The following CSMD1 variants were observed in gnomAD, a reference collection of about 807,000 sequenced individuals.
The protein encoded by CSMD1 is CUB and sushi domain-containing protein 1.
A neutral mutation model predicts 417.5 loss-of-function variants in CSMD1; 213 were observed. The ratio of observed to expected loss-of-function variants is 0.51; its 90% confidence interval spans 0.46 to 0.57. The LOEUF is 0.57. Ranked by LOEUF, CSMD1 falls within the 20% of genes least tolerant of loss-of-function variation. The pLI, the probability that CSMD1 is intolerant of heterozygous loss-of-function variation, is 0.00. For missense variants in CSMD1, 6,923 were observed against 4,529.7 expected (o/e 1.53, Z -15.17); for synonymous variants, 2,862 against 1,736.8 (o/e 1.65, Z -16.11).
intron 3 of CSMD1, among the ~76,000 whole-genome samples, chr8:4,312,142 T>A (rs1054331683): frequency 1.3e-5 from 2 of 151,968 alleles, no homozygotes; most frequent in Non-Finnish European, 2.9e-5. Flanking sequence ...AAATATATTA[T>A]CTTTACACAC....
At chr8:4,269,130 C>T (rs539669517) in intron 3 of CSMD1, among the ~76,000 whole-genome samples, 1 of 152,280 alleles carries the variant, frequency 6.6e-6, no homozygotes, top group South Asian at 2.1e-4. Flanking sequence ...GATCTTGGCT[C>T]ACTGAAATCT....
At chr8:4,318,831 C>T (rs1323379550) in intron 3 of CSMD1, among the ~76,000 whole-genome samples, 1 of 152,016 alleles carries the variant, frequency 6.6e-6, no homozygotes, top group Non-Finnish European at 1.5e-5. Flanking sequence ...TAACATCCTC[C>T]CATAAATCAT....
intron 1 of CSMD1, among the ~76,000 whole-genome samples, chr8:4,841,108 C>T (rs1265534125): frequency 6.6e-6 from 1 of 152,164 alleles, no homozygotes; most frequent in Non-Finnish European, 1.5e-5. Flanking sequence ...TTGTCGACTG[C>T]AGAAACAATT....
chr8:3,272,209 T>A (rs1051989268), intron 26 of CSMD1, among the ~76,000 whole-genome samples: 2 of 147,292 alleles, frequency 1.4e-5, no homozygotes, highest in Admixed American at 6.8e-5. Flanking sequence ...ATTGCTTGTT[T>A]TACTCAGGTT....
intron 3 of CSMD1, among the ~76,000 whole-genome samples, chr8:4,208,530 T>G (rs559681570): frequency 1.3e-5 from 2 of 152,376 alleles, no homozygotes; most frequent in South Asian, 4.1e-4. Context: ...AAGAACAGAT[T>G]ATATTTTTAA....
intron 3 of CSMD1, among the ~76,000 whole-genome samples, chr8:4,337,349 T>C (rs935868239): frequency 6.6e-6 from 1 of 152,070 alleles, no homozygotes; most frequent in Non-Finnish European, 1.5e-5. Context: ...CCGACATTGT[T>C]GCAAACTTCC....
intron 1 of CSMD1, among the ~76,000 whole-genome samples, chr8:4,914,284 T>C (rs10112695): frequency 0.26 from 39,720 of 151,954 alleles, 5,752 homozygotes; most frequent in East Asian, 0.52. Flanking sequence ...ACTTTAAAAA[T>C]TGGAAGATAG....
At chr8:3,621,214 G>C (rs565883865) in intron 7 of CSMD1, among the ~76,000 whole-genome samples, 1 of 152,162 alleles carries the variant, frequency 6.6e-6, no homozygotes. Context: ...GGCGAGTAGC[G>C]TAGCACTTTT....
intron 14 of CSMD1, among the ~76,000 whole-genome samples, chr8:3,406,469 A>G (rs1812348805): frequency 6.6e-6 from 1 of 152,210 alleles, no homozygotes; most frequent in Non-Finnish European, 1.5e-5. Flanking sequence ...GGGTTTGAAA[A>G]GCACTTTTCA....
At chr8:4,255,969 G>C (rs929378470) in intron 3 of CSMD1, among the ~76,000 whole-genome samples, 1 of 152,098 alleles carries the variant, frequency 6.6e-6, no homozygotes, top group Non-Finnish European at 1.5e-5. Flanking sequence ...ATAAAGCTTT[G>C]GTGAAAATAC....
chr8:3,754,453 T>TTTATTTATTTAC (rs1563343464), intron 5 of CSMD1, among the ~76,000 whole-genome samples: 2 of 151,306 alleles, frequency 1.3e-5, no homozygotes, highest in Non-Finnish European at 2.9e-5. Flanking sequence ...TATTTATTTA[T>TTTATTTATTTAC]TTATTTATTT....
chr8:4,080,666 C>G (rs925278541), intron 3 of CSMD1, among the ~76,000 whole-genome samples: 1 of 152,124 alleles, frequency 6.6e-6, no homozygotes, highest in African/African-American at 2.4e-5. Context: ...ACAAAAGTAA[C>G]AGAATCACTG....
chr8:4,285,381 G>A (rs992241316), intron 3 of CSMD1, among the ~76,000 whole-genome samples: 7 of 152,124 alleles, frequency 4.6e-5, no homozygotes, highest in African/African-American at 1.4e-4. Context: ...ATTCTAGAGG[G>A]AAATGAATTT....
chr8:3,450,587 A>G (rs1319470423), intron 12 of CSMD1, among the ~76,000 whole-genome samples: 1 of 149,872 alleles, frequency 6.7e-6, no homozygotes, highest in Non-Finnish European at 1.5e-5. Context: ...TCTTTGTGAT[A>G]GTTTCCTGAG....
chr8:3,856,968 ATTTGGAAT>A (rs1337790591), intron 5 of CSMD1, among the ~76,000 whole-genome samples: 1 of 151,546 alleles, frequency 6.6e-6, no homozygotes, highest in Non-Finnish European at 1.5e-5. Context: ...ATCAAGTAGA[ATTTGGAAT>A]TTTTTTTATT....
At chr8:3,718,261 C>G (rs568777779) in intron 6 of CSMD1, among the ~76,000 whole-genome samples, 7 of 151,764 alleles carry the variant, frequency 4.6e-5, no homozygotes, top group East Asian at 3.9e-4. Context: ...ACTGCAGCTC[C>G]CATTGTCAGC....
intron 18 of CSMD1, among the ~76,000 whole-genome samples, chr8:3,379,580 C>G (rs1247743442): frequency 3.3e-5 from 5 of 152,122 alleles, no homozygotes; most frequent in African/African-American, 4.8e-5. Flanking sequence ...ACAGAGGTCT[C>G]TGAAATAACA....
intron 10 of CSMD1, among the ~76,000 whole-genome samples, chr8:3,559,257 G>C (rs796120346): frequency 8.5e-5 from 13 of 152,250 alleles, no homozygotes; most frequent in African/African-American, 3.1e-4. Flanking sequence ...CAAAGAATTT[G>C]TCCTATGGAA....
chr8:4,078,388 C>A (rs1391080614), intron 3 of CSMD1, among the ~76,000 whole-genome samples: 1 of 146,316 alleles, frequency 6.8e-6, no homozygotes, highest in African/African-American at 2.6e-5. Context: ...GATCTCGACT[C>A]ACTGCAAGCT....
Sources: gnomAD v4.1 joint callset for allele counts (sites outside exome capture counted in the v4.1 genomes callset) on GRCh38, gnomAD v4.1.1 for gene constraint, MANE v1.5 for transcripts, NCBI Gene and HGNC (gene_info 2026-07-23, HGNC 2026-07-21) for gene names.